The following RHBDD1 variants were observed in gnomAD, a reference collection of about 807,000 sequenced individuals.
RHBDD1 encodes rhomboid domain containing 1.
A neutral mutation model predicts 36.3 loss-of-function variants in RHBDD1; 38 were observed. The ratio of observed to expected loss-of-function variants is 1.05; its 90% CI spans 0.81 to 1.37. RHBDD1 has a LOEUF of 1.37. Among genes scored for constraint, RHBDD1 ranks in the 40% most tolerant of loss-of-function variants. The probability of loss-of-function intolerance (pLI) is 0.00; values close to 1 mark genes in which losing one functional copy is unlikely to be tolerated. For missense variants in RHBDD1, 393 were observed against 377.6 expected (o/e 1.04, Z -0.34); for synonymous variants, 151 against 136.5 (o/e 1.11, Z -0.74).
At chr2:226,956,223 C>T (rs1200044640) in intron 8 of RHBDD1, among the ~76,000 whole-genome samples, 2 of 152,110 alleles carry the variant, frequency 1.3e-5, no homozygotes, top group African/African-American at 2.4e-5. Context: ...CAACTTGCTC[C>T]CACGCCCCAC....
intron 8 of RHBDD1, among the ~76,000 whole-genome samples, chr2:226,940,468 T>A (rs1273209836): frequency 6.6e-6 from 1 of 152,204 alleles, no homozygotes; most frequent in Non-Finnish European, 1.5e-5. Context: ...ATTAGGTGTA[T>A]AACTGCCATT....
chr2:226,822,214 C>T, the RHBDD1 span, among the ~76,000 whole-genome samples: 1 of 152,220 alleles, frequency 6.6e-6, no homozygotes, highest in East Asian at 1.9e-4. Flanking sequence ...TCTAGTCCCA[C>T]TCTGTAATAG....
At chr2:226,914,101 C>A in intron 7 of RHBDD1, 107 bp from the exon 8 acceptor site, 1 of 966,972 alleles carries the variant, frequency 1.0e-6, no homozygotes, top group Non-Finnish European at 1.6e-6. Flanking sequence ...AATTATTATA[C>A]CTAAAATAAT....
chr2:226,853,780 G>C (rs577980294), intron 3 of RHBDD1, among the ~76,000 whole-genome samples: 2 of 152,332 alleles, frequency 1.3e-5, no homozygotes, highest in East Asian at 3.9e-4. Context: ...GAATGGCCTT[G>C]CTTATTAAGC....
chr2:226,805,756 T>C, the RHBDD1 span, among the ~76,000 whole-genome samples: 2 of 152,360 alleles, frequency 1.3e-5, no homozygotes, highest in Admixed American at 1.3e-4. Flanking sequence ...TAATGTGAAT[T>C]TCAGTAATGA....
chr2:226,839,778 C>A (rs1941409197), intron 3 of RHBDD1, among the ~76,000 whole-genome samples, 151 bp downstream of exon 3: 7 of 151,116 alleles, frequency 4.6e-5, no homozygotes, highest in Admixed American at 4.6e-4. Context: ...GGATTCTGTG[C>A]ACTTTTTTGA....
intron 8 of RHBDD1, among the ~76,000 whole-genome samples, chr2:226,916,913 C>T (rs763357863): frequency 6.6e-6 from 1 of 152,054 alleles, no homozygotes; most frequent in Non-Finnish European, 1.5e-5. Context: ...TGACTTCCCT[C>T]AGTAATTTGG....
At chr2:226,938,139 C>A (rs140780179) in intron 8 of RHBDD1, among the ~76,000 whole-genome samples, 218 of 152,180 alleles carry the variant, frequency 1.4e-3, no homozygotes, top group African/African-American at 5.1e-3. Flanking sequence ...GCCATTCTGA[C>A]TGATGTGAGA....
chr2:226,966,478 A>G (rs909587662), intron 8 of RHBDD1, among the ~76,000 whole-genome samples: 2 of 152,234 alleles, frequency 1.3e-5, no homozygotes, highest in Non-Finnish European at 2.9e-5. Context: ...AGTGCTGAGC[A>G]TGTGGAATGT....
At chr2:226,991,950 A>C (rs138914179) in intron 8 of RHBDD1, among the ~76,000 whole-genome samples, 4 of 152,242 alleles carry the variant, frequency 2.6e-5, no homozygotes, top group Non-Finnish European at 5.9e-5. Context: ...ATTCCCTACT[A>C]ATACTTTTTC....
At chr2:226,953,121 GA>G (rs1361444538) in intron 8 of RHBDD1, among the ~76,000 whole-genome samples, 1 of 152,168 alleles carries the variant, frequency 6.6e-6, no homozygotes, top group Non-Finnish European at 1.5e-5. Context: ...CTTTACTTTT[GA>G]GGAATGTTAA....
chr2:226,910,944 A>C (rs1410292081), intron 7 of RHBDD1, among the ~76,000 whole-genome samples: 2 of 152,152 alleles, frequency 1.3e-5, no homozygotes, highest in African/African-American at 2.4e-5. Context: ...TAAGGCACCA[A>C]AACTTTCCCA....
chr2:226,928,909 T>C (rs185285652), intron 8 of RHBDD1, among the ~76,000 whole-genome samples: 33 of 152,158 alleles, frequency 2.2e-4, no homozygotes, highest in Non-Finnish European at 4.6e-4. Context: ...CTAGAGGAAA[T>C]GGATAAATCC....
intron 3 of RHBDD1, among the ~76,000 whole-genome samples, chr2:226,863,046 G>A (rs559276497): frequency 3.4e-4 from 52 of 152,190 alleles, no homozygotes; most frequent in Non-Finnish European, 7.2e-4. Context: ...TCCAATACTG[G>A]GGATCGGATT....
At position 226,997,294 on chromosome 2, in the gene RHBDD1, C is replaced by G. The variant is rs1199387103; in HGVS notation, c.*1772C>G. ...CAAGCTAAATGTTACTGCTCTCTCC[C>G]AAATTCTGTAAGTTTGACTCCCGTT... On this transcript the variant is annotated 3_prime_UTR_variant, in exon 9 of 9. Transcript: ENST00000392062. 6.6e-6 allele frequency: 1 copy of G among 152,200 alleles called. No individual in the cohort carries two copies. The highest frequency in any genetic ancestry group is 1.5e-5 in the Non-Finnish European group (1 of 68,040). 9.4% of individuals were successfully genotyped at this position (152,200 alleles called of 1,614,324 possible). A position where few individuals can be genotyped will look rare whatever the true frequency, so the allele number is the denominator to read the frequency against.
chr2:226,837,007 AT>A (rs1941049271), intron 1 of RHBDD1, among the ~76,000 whole-genome samples: 1 of 152,224 alleles, frequency 6.6e-6, no homozygotes, highest in Admixed American at 6.5e-5. Flanking sequence ...TTGGGGTCTT[AT>A]CCCAAACTTA....
chr2:226,847,526 A>T (rs1413390156), intron 3 of RHBDD1, among the ~76,000 whole-genome samples: 1 of 152,254 alleles, frequency 6.6e-6, no homozygotes, highest in African/African-American at 2.4e-5. Context: ...GAAAGAAAAC[A>T]GCAAACCCAA....
the RHBDD1 span, among the ~76,000 whole-genome samples, chr2:226,826,517 A>T: frequency 4.2e-4 from 51 of 122,066 alleles, no homozygotes; most frequent in African/African-American, 1.4e-3. Context: ...ATCATGATAG[A>T]TTTTTTTTTT....
intron 5 of RHBDD1, among the ~76,000 whole-genome samples, chr2:226,892,246 G>A (rs1208619889): frequency 6.6e-6 from 1 of 152,180 alleles, no homozygotes; most frequent in Admixed American, 6.5e-5. Context: ...ATGTGATGTT[G>A]ATGGCATGTT....
Sources: gnomAD v4.1 joint callset for allele counts (sites outside exome capture counted in the v4.1 genomes callset) on GRCh38, gnomAD v4.1.1 for gene constraint, MANE v1.5 for transcripts, NCBI Gene and HGNC (gene_info 2026-07-23, HGNC 2026-07-21) for gene names.